ESRRG: variants seen among roughly 807,000 people sequenced by gnomAD.
The protein encoded by ESRRG is estrogen-related receptor gamma.
In ESRRG, 13 loss-of-function variants were observed where a neutral mutation model predicts 44.0. That is an observed-to-expected ratio of 0.30 (90% CI 0.19 to 0.47). The LOEUF is 0.47. ESRRG is among the 20% of genes least tolerant of loss of function. The pLI is 1.00. For missense variants in ESRRG, 395 were observed against 580.6 expected (o/e 0.68, Z 3.29); for synonymous variants, 215 against 214.6 (o/e 1.00, Z -0.02).
At chr1:216,641,241 C>T (rs1261992788) in intron 3 of ESRRG, among the ~76,000 whole-genome samples, 1 of 152,154 alleles carries the variant, frequency 6.6e-6, no homozygotes, top group African/African-American at 2.4e-5. Context: ...TGTAGTGCTG[C>T]AACTGTTTAG....
At chr1:216,937,581 T>C (rs1000793512) in intron 2 of ESRRG, among the ~76,000 whole-genome samples, 6 of 152,162 alleles carry the variant, frequency 3.9e-5, no homozygotes, top group Non-Finnish European at 8.8e-5. Flanking sequence ...TCAGCAACAG[T>C]ATATTCTGGC....
chr1:216,695,822 G>A (rs2080038214), intron 1 of ESRRG, among the ~76,000 whole-genome samples: 1 of 152,196 alleles, frequency 6.6e-6, no homozygotes, highest in South Asian at 2.1e-4. Flanking sequence ...GATTTCACCA[G>A]TGTGAAAAGG....
chr1:216,699,985 A>T (rs2081066754), intron 1 of ESRRG, among the ~76,000 whole-genome samples: 1 of 152,174 alleles, frequency 6.6e-6, no homozygotes, highest in Non-Finnish European at 1.5e-5. Context: ...TTTAATTTAT[A>T]TAAATCCACT....
intron 1 of ESRRG, among the ~76,000 whole-genome samples, chr1:217,122,904 C>T (rs949003256): frequency 4.0e-5 from 6 of 151,770 alleles, no homozygotes; most frequent in African/African-American, 1.2e-4. Flanking sequence ...AGGCTGGTCT[C>T]GAACTCCCGA....
intron 1 of ESRRG, chr1:217,076,737 C>T (rs904570402): frequency 6.6e-6 from 1 of 152,178 alleles, no homozygotes; most frequent in Admixed American, 6.5e-5. Context: ...AACGAAATGA[C>T]CTATTCCTCT....
chr1:216,707,508 G>C (rs963012941), intron 1 of ESRRG: 2 of 1,522,576 alleles, frequency 1.3e-6, no homozygotes, highest in East Asian at 2.5e-5. Context: ...AAACCAGAAA[G>C]TTAGGGTGAA....
intron 3 of ESRRG, among the ~76,000 whole-genome samples, chr1:216,629,873 C>T (rs1398704743): frequency 2.6e-5 from 4 of 152,154 alleles, no homozygotes; most frequent in African/African-American, 9.7e-5. Context: ...TGCCAGTTTA[C>T]AATTCCTCTC....
At chr1:216,661,653 CT>C (rs2072462148) in intron 2 of ESRRG, among the ~76,000 whole-genome samples, 1 of 152,234 alleles carries the variant, frequency 6.6e-6, no homozygotes, top group Non-Finnish European at 1.5e-5. Context: ...TGAGATTTCC[CT>C]TCTACCTTAA....
chr1:217,043,629 A>G (rs2084286417), intron 1 of ESRRG, among the ~76,000 whole-genome samples: 1 of 132,490 alleles, frequency 7.5e-6, no homozygotes, highest in Non-Finnish European at 1.6e-5. Flanking sequence ...CCAACTTCTC[A>G]GGATAAGAGG....
intron 3 of ESRRG, among the ~76,000 whole-genome samples, chr1:216,603,955 A>C (rs940040688): frequency 2.2e-4 from 33 of 152,132 alleles, no homozygotes; most frequent in African/African-American, 7.0e-4. Context: ...CAAAAAAAAA[A>C]AAAAAAAGGA....
intron 5 of ESRRG, among the ~76,000 whole-genome samples, chr1:216,520,307 C>A (rs1188032538): frequency 6.6e-6 from 1 of 151,980 alleles, no homozygotes; most frequent in Non-Finnish European, 1.5e-5. Context: ...TAAGCTATAA[C>A]CTGAAATTCA....
intron 2 of ESRRG, among the ~76,000 whole-genome samples, chr1:216,873,652 A>T (rs545108735): frequency 2.0e-5 from 3 of 151,832 alleles, no homozygotes; most frequent in East Asian, 2.0e-4. Context: ...ACTCAGCCAC[A>T]TATGCCCACA....
chr1:217,033,023 G>A (rs1024869264), intron 1 of ESRRG, among the ~76,000 whole-genome samples: 4 of 152,084 alleles, frequency 2.6e-5, no homozygotes, highest in Non-Finnish European at 5.9e-5. Flanking sequence ...GAAGGGGAGG[G>A]GGAGATTAAA....
intron 2 of ESRRG, among the ~76,000 whole-genome samples, chr1:216,767,722 T>C (rs919633141): frequency 1.6e-4 from 24 of 152,108 alleles, no homozygotes. Flanking sequence ...TTCAAATGAA[T>C]TTTCTCATTA....
rs1470039215 is a variant in ESRRG, at chr1:216,657,294, T to C, written c.473-6205A>G. Among the ~76,000 whole-genome samples, 3 of 152,230 alleles carry C rather than the reference T, an allele frequency of 2.0e-5. No individual in the cohort carries two copies. In the East Asian group the frequency reaches 5.8e-4, roughly 29 times the overall value. Reference sequence around the variant, plus strand: ...CAATGCACATGTAAGTTAAGGGAGTTATTTGTTTTTCAAAGAAGGCGTCCA... The same window carrying C: ...CAATGCACATGTAAGTTAAGGGAGTCATTTGTTTTTCAAAGAAGGCGTCCA... On this transcript the variant is annotated intron_variant, in intron 2 of 6. Transcript: ENST00000408911.
intron 1 of ESRRG, among the ~76,000 whole-genome samples, chr1:217,028,359 T>C (rs1229969515): frequency 2.6e-5 from 4 of 152,162 alleles, no homozygotes; most frequent in South Asian, 2.1e-4. Context: ...AGAACCCACA[T>C]TGGAGACAGC....
At chr1:216,605,343 A>C (rs2059785760) in intron 3 of ESRRG, among the ~76,000 whole-genome samples, 1 of 152,184 alleles carries the variant, frequency 6.6e-6, no homozygotes. Context: ...AACTAGACAT[A>C]TGGAGCAGTT....
At chr1:216,702,390 G>A (rs1445747638) in intron 1 of ESRRG, among the ~76,000 whole-genome samples, 1 of 152,012 alleles carries the variant, frequency 6.6e-6, no homozygotes, top group Non-Finnish European at 1.5e-5. Flanking sequence ...CCCATTTTAT[G>A]AAAATAAACC....
intron 2 of ESRRG, among the ~76,000 whole-genome samples, chr1:216,856,594 T>C (rs1399405220): frequency 6.6e-6 from 1 of 152,232 alleles, no homozygotes; most frequent in African/African-American, 2.4e-5. Flanking sequence ...GTAAAACTAA[T>C]TTAACCTTTG....
Sources: allele counts gnomAD v4.1 joint callset (sites outside exome capture counted in the v4.1 genomes callset), GRCh38; gene constraint gnomAD v4.1.1; transcripts MANE v1.5; gene names NCBI Gene and HGNC (gene_info 2026-07-23, HGNC 2026-07-21).